The following SMOC2 variants were observed in gnomAD, a reference collection of about 807,000 sequenced individuals.
SMOC2 encodes SPARC-related modular calcium-binding protein 2.
In SMOC2, 39 loss-of-function variants were observed where a neutral mutation model predicts 61.4. That is an observed-to-expected ratio of 0.64 (90% confidence interval 0.49 to 0.83). SMOC2 has a LOEUF of 0.83. Ranked by LOEUF, SMOC2 falls within the 40% of genes least tolerant of loss-of-function variation. The pLI, the probability that SMOC2 is intolerant of heterozygous loss-of-function variation, is 0.00. For synonymous variants in SMOC2, 247 were observed against 239.9 expected (o/e 1.03, Z -0.27); for missense variants, 556 against 592.9 (o/e 0.94, Z 0.65).
chr6:168,473,627 T>C (rs1253290895), intron 1 of SMOC2, among the ~76,000 whole-genome samples: 3 of 152,202 alleles, frequency 2.0e-5, no homozygotes, highest in African/African-American at 7.2e-5. Context: ...CCAGCGACTC[T>C]GTCTTTGTTA....
chr6:168,519,211 G>A (rs113732959), intron 2 of SMOC2, among the ~76,000 whole-genome samples: 27,500 of 136,120 alleles, frequency 0.2, 2,860 homozygotes, highest in East Asian at 0.34. Context: ...GTATGCATGC[G>A]TGTGTGAGAG....
intron 1 of SMOC2, among the ~76,000 whole-genome samples, chr6:168,502,034 T>C (rs1165128467): frequency 6.6e-6 from 1 of 152,208 alleles, no homozygotes; most frequent in Admixed American, 6.5e-5. Flanking sequence ...TTCTTGAACT[T>C]CTAATTTAGC....
At chr6:168,584,007 G>T (rs780597529) in intron 7 of SMOC2, among the ~76,000 whole-genome samples, 1 of 152,250 alleles carries the variant, frequency 6.6e-6, no homozygotes, top group Non-Finnish European at 1.5e-5. Context: ...CTTGGCAGAG[G>T]CCATCGGAGG....
At chr6:168,664,344 T>C (rs946347023) in intron 12 of SMOC2, 5 of 564,538 alleles carry the variant, frequency 8.9e-6, no homozygotes, top group African/African-American at 5.9e-5. Flanking sequence ...TGAACTTTCA[T>C]TTATTAAGAA....
In SMOC2 at chr6:168,666,473, T is replaced by C. The variant is rs778927384; in HGVS notation, c.*35T>C. ...ACCCCGAAGGCAGTTCCTAGACACA[T>C]GGGAAATTTCCCTCACCAAAGAGCA... On this transcript the variant is annotated 3_prime_UTR_variant, in exon 13 of 13. Transcript: ENST00000356284. 7 of 1,612,606 alleles carry C rather than the reference T, an allele frequency of 4.3e-6. No individual in the cohort carries two copies. In the South Asian group the frequency reaches 6.6e-5, roughly 15 times the overall value.
At chr6:168,655,244 C>G (rs1408525630) in intron 11 of SMOC2, among the ~76,000 whole-genome samples, 1 of 152,106 alleles carries the variant, frequency 6.6e-6, no homozygotes, top group African/African-American at 2.4e-5. Context: ...AGGAACTCAC[C>G]AACCCTGCAC....
At chr6:168,616,964 G>A (rs77283333) in intron 9 of SMOC2, among the ~76,000 whole-genome samples, 3,038 of 152,288 alleles carry the variant, frequency 0.02, 113 homozygotes, top group African/African-American at 0.07. Flanking sequence ...TGAAGTGAGC[G>A]TTTCACTCAG....
At chr6:168,606,510 G>C (rs1006138298) in intron 8 of SMOC2, among the ~76,000 whole-genome samples, 34 of 152,162 alleles carry the variant, frequency 2.2e-4, no homozygotes, top group African/African-American at 8.2e-4. Flanking sequence ...CACTGGGACT[G>C]CTGGACTCTC....
rs34543463 is a variant in SMOC2, at chr6:168,608,202, C to T, written c.870C>T (p.Ala290=). 1,810 of 1,613,794 alleles carry T rather than the reference C, an allele frequency of 1.1e-3. 21 individuals are homozygous for T. In the African/African-American group the frequency reaches 0.018, roughly 16 times the overall value. ...KCDNTARAHP[A]KARDLYKGRQ... ...ACAACACGGCCAGGGCCCACCCAGC[C>T]AAAGCCCGGGACCTGTACAAGGGCC... Residue 290 remains alanine (A), a synonymous_variant, in exon 9 of 13, where the codon GCC becomes GCT. Coordinates refer to ENST00000356284, the MANE Select transcript of SMOC2 (RefSeq NM_001166412.2).
At chr6:168,614,662 C>A (rs1203033168) in intron 9 of SMOC2, among the ~76,000 whole-genome samples, 16 of 99,100 alleles carry the variant, frequency 1.6e-4, no homozygotes, top group South Asian at 4.1e-4. Flanking sequence ...CAGCACAGGG[C>A]CTCTTCACAC....
At chr6:168,627,982 C>T (rs2115243385) in intron 9 of SMOC2, among the ~76,000 whole-genome samples, 1 of 152,298 alleles carries the variant, frequency 6.6e-6, no homozygotes, top group African/African-American at 2.4e-5. Flanking sequence ...GTGTGGACAT[C>T]AGCCAGTGAC....
chr6:168,589,099 A>G (rs1349283783), intron 7 of SMOC2, among the ~76,000 whole-genome samples: 13 of 142,300 alleles, frequency 9.1e-5, no homozygotes, highest in African/African-American at 3.4e-4. Flanking sequence ...AAAAAAAAGG[A>G]GTAAATAAGA....
Position 168,549,355 on chromosome 6 carries a change from A to G in SMOC2, c.637+152A>G. Reference sequence around the variant, plus strand: ...GACCTGGCACAAACATCTGAGGATAACTTTCAACTCCCCCCAAAATAATAA... The same window carrying G: ...GACCTGGCACAAACATCTGAGGATAGCTTTCAACTCCCCCCAAAATAATAA... On this transcript the variant is annotated intron_variant, in intron 7 of 12. Transcript: ENST00000356284. 1.8e-5 allele frequency: 12 copies of G among 651,558 alleles called. No homozygotes were observed. In the South Asian group the frequency reaches 2.4e-4, roughly 13 times the overall value. The allele number at this position is 651,558 out of a possible 1,614,324, so 40.4% of individuals were successfully genotyped here. A position where few individuals can be genotyped will look rare whatever the true frequency, so the allele number is the denominator to read the frequency against.
In SMOC2 at chr6:168,602,045, T is replaced by C. The variant is rs530815681; in HGVS notation, c.824+3041T>C. Among the ~76,000 whole-genome samples the C allele has an allele frequency of 2.3e-4, 35 of 152,326 alleles. 1 individual carries two copies. The South Asian group carries it at 7.3e-3, about 32-fold the overall frequency. On this transcript the variant is annotated intron_variant, in intron 8 of 12. Coordinates refer to ENST00000356284, the MANE Select transcript of SMOC2 (RefSeq NM_001166412.2). ...TTTTACCTTTATTATTATTCATTCA[T>C]TCAGCACAAATACTGATTATCAACA...
intron 1 of SMOC2, among the ~76,000 whole-genome samples, chr6:168,467,699 C>T (rs1024492084): frequency 4.6e-5 from 7 of 152,128 alleles, no homozygotes; most frequent in African/African-American, 1.7e-4. Flanking sequence ...AGGCAATCTT[C>T]CCCCTAAAAA....
intron 1 of SMOC2, among the ~76,000 whole-genome samples, chr6:168,466,215 C>T (rs1042400208): frequency 1.4e-5 from 2 of 138,566 alleles, no homozygotes; most frequent in Admixed American, 7.4e-5. Flanking sequence ...TGAGTTGAAG[C>T]ACTGCTTTGA....
intron 9 of SMOC2, among the ~76,000 whole-genome samples, chr6:168,649,741 C>T (rs1239578759): frequency 1.3e-5 from 2 of 152,142 alleles, no homozygotes; most frequent in African/African-American, 4.8e-5. Context: ...GCTTATTGAT[C>T]CAGCAAGCAT....
intron 7 of SMOC2, among the ~76,000 whole-genome samples, chr6:168,585,763 A>G (rs1315568133): frequency 3.3e-5 from 5 of 152,250 alleles, no homozygotes; most frequent in African/African-American, 7.2e-5. Context: ...ATGATGTTGG[A>G]CAGTTTCTTT....
chr6:168,592,669 C>T (rs1272386107), intron 7 of SMOC2, among the ~76,000 whole-genome samples: 4 of 120,382 alleles, frequency 3.3e-5, no homozygotes, highest in Non-Finnish European at 7.3e-5. Context: ...CTCCTCCTTC[C>T]TGAGGCCTCA....
Sources: allele counts gnomAD v4.1 joint callset (sites outside exome capture counted in the v4.1 genomes callset), GRCh38; gene constraint gnomAD v4.1.1; transcripts MANE v1.5; gene names NCBI Gene and HGNC (gene_info 2026-07-23, HGNC 2026-07-21).